ZC3H12B: variants seen among roughly 807,000 people sequenced by gnomAD.
ZC3H12B encodes the protein zinc finger CCCH-type containing 12B, also known as probable ribonuclease ZC3H12B.
Under a neutral mutation model 43.9 loss-of-function variants are expected in ZC3H12B, and 7 were observed. The ratio of observed to expected loss-of-function variants is 0.16; its 90% CI spans 0.09 to 0.30. The LOEUF (loss-of-function observed/expected upper bound fraction) is 0.30, where lower values mean the gene tolerates loss of function less well. Among genes scored for constraint, ZC3H12B ranks in the 10% least tolerant of loss-of-function variants. ZC3H12B has a pLI of 1.00. For missense variants in ZC3H12B, 475 were observed against 670.2 expected, an observed-to-expected ratio of 0.71 and a Z score of 3.22; for synonymous variants, 222 against 241.7, an observed-to-expected ratio of 0.92 and a Z score of 0.76.
chrX:65,374,229 G>T (rs2066313077), intron 2 of ZC3H12B, among the ~76,000 whole-genome samples: 1 of 79,787 alleles, frequency 1.3e-5, no homozygotes, highest in Admixed American at 1.6e-4. Flanking sequence ...GTACTCTATA[G>T]TATAGTAATA....
the ZC3H12B span, among the ~76,000 whole-genome samples, chrX:65,130,425 T>G: frequency 9.0e-6 from 1 of 110,978 alleles, no homozygotes; most frequent in Non-Finnish European, 1.9e-5. Flanking sequence ...AGTGTCTACC[T>G]GGACCAAGGG....
chrX:65,093,634 G>A, the ZC3H12B span, among the ~76,000 whole-genome samples: 12 of 112,280 alleles, frequency 1.1e-4, no homozygotes, highest in African/African-American at 2.6e-4. Context: ...GGACTTGCAT[G>A]TGGCTGTAGC....
intron 2 of ZC3H12B, among the ~76,000 whole-genome samples, chrX:65,375,252 C>T (rs976270337): frequency 8.9e-5 from 10 of 112,055 alleles, no homozygotes; most frequent in Non-Finnish European, 1.7e-4. Flanking sequence ...ATGGAGGAGG[C>T]ATTTAGACCA....
chrX:65,196,471 G>A, the ZC3H12B span, among the ~76,000 whole-genome samples: 1 of 111,165 alleles, frequency 9.0e-6, no homozygotes, highest in East Asian at 2.8e-4. Flanking sequence ...AACAGAAACA[G>A]TATATAAAAG....
the ZC3H12B span, among the ~76,000 whole-genome samples, chrX:65,118,467 G>T: frequency 6.3e-5 from 7 of 111,063 alleles, no homozygotes; most frequent in Non-Finnish European, 1.3e-4. Flanking sequence ...TTTGGGCTGA[G>T]AAGATGGGGT....
the ZC3H12B span, among the ~76,000 whole-genome samples, chrX:65,128,337 T>A: frequency 1.8e-5 from 2 of 112,472 alleles, no homozygotes; most frequent in African/African-American, 3.2e-5. Context: ...ATATGAAGAT[T>A]GTTGTTTAAC....
In ZC3H12B at chrX:65,500,614, G is replaced by A. The variant is rs763748676; in HGVS notation, c.1090+625G>A. ...AGCTAATTTTTGTATTTTTAGTAGA[G>A]ACGGGGGTTTCACCATGTTGGCCAA... On this transcript the variant is annotated intron_variant, in intron 4 of 4. Transcript: ENST00000338957. Among the ~76,000 whole-genome samples, 3 of 111,018 alleles carry A rather than the reference G, an allele frequency of 2.7e-5. No homozygotes were observed. The South Asian group carries it at 1.2e-3, about 43-fold the overall frequency.
At chrX:65,245,542 C>G in the ZC3H12B span, among the ~76,000 whole-genome samples, 3 of 112,100 alleles carry the variant, frequency 2.7e-5, no homozygotes, top group African/African-American at 9.7e-5. Flanking sequence ...TCTACATATG[C>G]AAATCAGTAA....
Position 65,415,034 on chromosome X carries a change from A to G in ZC3H12B, n.407+16330A>G, listed in dbSNP as rs139169849. On this transcript the variant is annotated intron_variant and non_coding_transcript_variant, in intron 3 of 5. Coordinates refer to the ZC3H12B transcript ENST00000617377. The stretch of plus-strand genomic sequence containing the variant: ...TTTATACATTTTGGGAAGGCATAAG[A>G]CATCAATTAATACGTGTAGATATAC... 5.9e-4 allele frequency among the ~76,000 whole-genome samples: 67 copies of G among 112,619 alleles called. 1 individual carries two copies. The East Asian group carries it at 0.018, about 30-fold the overall frequency.
At chrX:65,103,360 G>T in the ZC3H12B span, among the ~76,000 whole-genome samples, 1 of 111,978 alleles carries the variant, frequency 8.9e-6, no homozygotes, top group African/African-American at 3.2e-5. Context: ...CTGATGGTCA[G>T]CTCCCTTGTT....
At chrX:65,077,576 G>A in the ZC3H12B span, among the ~76,000 whole-genome samples, 1 of 112,176 alleles carries the variant, frequency 8.9e-6, no homozygotes, top group Non-Finnish European at 1.9e-5. Context: ...GGTGGAAGCT[G>A]GATTTTCCAG....
intron 3 of ZC3H12B, among the ~76,000 whole-genome samples, chrX:65,440,949 T>G (rs1175254064): frequency 4.4e-5 from 5 of 112,636 alleles, no homozygotes; most frequent in Non-Finnish European, 3.7e-5. Context: ...TTAACCATTT[T>G]AAAAGTATAG....
the ZC3H12B span, among the ~76,000 whole-genome samples, chrX:65,217,927 G>A: frequency 9.0e-6 from 1 of 111,571 alleles, no homozygotes; most frequent in Admixed American, 9.5e-5. Context: ...CTAGAGAAAC[G>A]TATGAAGACC....
chrX:65,343,306 C>A, the ZC3H12B span, among the ~76,000 whole-genome samples: 1 of 112,043 alleles, frequency 8.9e-6, no homozygotes, highest in Non-Finnish European at 1.9e-5. Flanking sequence ...GGAGGAGGGA[C>A]TCTTTCCTAA....
chrX:65,425,367 C>T (rs2067068131), intron 3 of ZC3H12B, among the ~76,000 whole-genome samples: 2 of 111,387 alleles, frequency 1.8e-5, no homozygotes, highest in African/African-American at 6.5e-5. Flanking sequence ...AGCTTTTGGG[C>T]TGTGACTATG....
chrX:65,383,715 G>A (rs770824806), intron 2 of ZC3H12B, among the ~76,000 whole-genome samples: 1 of 110,724 alleles, frequency 9.0e-6, no homozygotes, highest in Admixed American at 9.7e-5. Context: ...CTGACAAAGG[G>A]CTAATATCCA....
the ZC3H12B span, among the ~76,000 whole-genome samples, chrX:65,037,929 A>G: frequency 1.8e-5 from 2 of 111,138 alleles, no homozygotes; most frequent in Non-Finnish European, 3.8e-5. Context: ...TTATTAATGT[A>G]TATATTAATA....
At chrX:65,238,870 C>A in the ZC3H12B span, among the ~76,000 whole-genome samples, 2 of 111,956 alleles carry the variant, frequency 1.8e-5, no homozygotes, top group African/African-American at 6.5e-5. Context: ...GCAGATTTTT[C>A]AATCTTCATG....
the ZC3H12B span, among the ~76,000 whole-genome samples, chrX:65,098,559 T>C: frequency 8.2e-5 from 9 of 109,587 alleles, no homozygotes; most frequent in African/African-American, 1.3e-4. Context: ...GTTCATCTCA[T>C]TGGGACTGGT....
Sources: gnomAD v4.1 joint callset for allele counts (sites outside exome capture counted in the v4.1 genomes callset) on GRCh38, gnomAD v4.1.1 for gene constraint, MANE v1.5 for transcripts, NCBI Gene and HGNC (gene_info 2026-07-23, HGNC 2026-07-21) for gene names.